The following TENM4 variants were observed in gnomAD, a reference collection of about 807,000 sequenced individuals.
TENM4 encodes the protein teneurin transmembrane protein 4.
Under a neutral mutation model 243.3 loss-of-function variants are expected in TENM4, and 82 were observed. That is an observed-to-expected ratio of 0.34 (90% CI 0.28 to 0.40). The LOEUF is 0.40. Ranked by LOEUF, TENM4 falls within the 10% of genes least tolerant of loss-of-function variation. TENM4 has a pLI of 1.00. For missense variants in TENM4, 3,138 were observed against 3,673.3 expected (o/e 0.85, Z 3.77); for synonymous variants, 1,412 against 1,456.3 (o/e 0.97, Z 0.69).
intron 9 of TENM4, among the ~76,000 whole-genome samples, chr11:78,878,220 C>T (rs935252404): frequency 2.0e-5 from 3 of 152,176 alleles, no homozygotes; most frequent in Non-Finnish European, 4.4e-5. Context: ...ATCCTGCCCT[C>T]CTTTCTTTCC....
intron 19 of TENM4, among the ~76,000 whole-genome samples, chr11:78,753,915 T>C (rs2135946459): frequency 6.6e-6 from 1 of 152,326 alleles, no homozygotes; most frequent in Non-Finnish European, 1.5e-5. Context: ...TTCTTCTGCT[T>C]CTGTGACTAA....
chr11:79,431,033 T>C (rs553061513), intron 1 of TENM4, among the ~76,000 whole-genome samples: 11 of 152,286 alleles, frequency 7.2e-5, no homozygotes, highest in African/African-American at 1.9e-4. Flanking sequence ...GTTGCCAATT[T>C]TCTTAGGTTA....
chr11:79,079,534 C>T (rs553974043), intron 4 of TENM4, among the ~76,000 whole-genome samples: 1 of 152,238 alleles, frequency 6.6e-6, no homozygotes, highest in Non-Finnish European at 1.5e-5. Flanking sequence ...ATCTTAGAGT[C>T]AGAAAATGTG....
At chr11:79,390,151 G>A (rs1372579301) in intron 1 of TENM4, among the ~76,000 whole-genome samples, 3 of 152,206 alleles carry the variant, frequency 2.0e-5, no homozygotes, top group East Asian at 1.9e-4. Flanking sequence ...GACCTCAGAG[G>A]TTAAAGGAAG....
chr11:79,329,147 T>C (rs1857021097), intron 1 of TENM4, among the ~76,000 whole-genome samples: 1 of 152,198 alleles, frequency 6.6e-6, no homozygotes. Context: ...TGAGCATTTT[T>C]GTTTTCTCCT....
chr11:79,255,160 A>G (rs1004672220), intron 2 of TENM4, among the ~76,000 whole-genome samples: 1 of 152,168 alleles, frequency 6.6e-6, no homozygotes, highest in Non-Finnish European at 1.5e-5. Context: ...TTGAAGAGGA[A>G]AAATAAAGAT....
chr11:79,119,573 G>T (rs1480174646), intron 4 of TENM4, among the ~76,000 whole-genome samples: 1 of 152,182 alleles, frequency 6.6e-6, no homozygotes, highest in Non-Finnish European at 1.5e-5. Flanking sequence ...TCAGCCAGGC[G>T]CCTGCCCAGA....
intron 1 of TENM4, chr11:79,402,105 C>T (rs1858474260): frequency 2.6e-6 from 1 of 387,578 alleles, no homozygotes; most frequent in South Asian, 2.0e-5. Flanking sequence ...TCCTTGAGGG[C>T]AGTTACCATT....
intron 9 of TENM4, among the ~76,000 whole-genome samples, chr11:78,878,927 A>G (rs1234095444): frequency 6.6e-6 from 1 of 152,274 alleles, no homozygotes; most frequent in Admixed American, 6.5e-5. Context: ...TAGCACAAAT[A>G]TAATGGCTTT....
At chr11:79,082,262 T>C (rs1860694768) in intron 4 of TENM4, among the ~76,000 whole-genome samples, 1 of 152,144 alleles carries the variant, frequency 6.6e-6, no homozygotes, top group South Asian at 2.1e-4. Context: ...CTTGGCATCC[T>C]CTAAGTGGCT....
intron 1 of TENM4, among the ~76,000 whole-genome samples, chr11:79,401,778 G>A (rs1411116209): frequency 6.6e-6 from 1 of 152,244 alleles, no homozygotes; most frequent in African/African-American, 2.4e-5. Context: ...AAGTCCAGGA[G>A]CCTGGAAGCC....
chr11:79,034,631 T>C lies in TENM4; in HGVS notation c.493+30107A>G, dbSNP rs189442500. On this transcript the variant is annotated intron_variant, in intron 6 of 33. Coordinates refer to ENST00000278550, the MANE Select transcript of TENM4 (RefSeq NM_001098816.3). ...GTATCTATGGGGCCTAAAAAGCATC[T>C]CAAAACTGTCTTTTGGAACACTCTA... Among the ~76,000 whole-genome samples, 214 of 152,192 alleles carry C rather than the reference T, an allele frequency of 1.4e-3. 1 individual carries two copies. The highest frequency in any genetic ancestry group is 4.9e-3 in the African/African-American group (203 of 41,512).
At chr11:79,308,626 TGACCTCACTTTACAGAA>T (rs1565292880) in intron 1 of TENM4, among the ~76,000 whole-genome samples, 1 of 152,206 alleles carries the variant, frequency 6.6e-6, no homozygotes, top group Non-Finnish European at 1.5e-5. Context: ...TTGACAGCAG[TGACCTCACTTTACAGAA>T]GAGGAAACTT....
intron 6 of TENM4, among the ~76,000 whole-genome samples, chr11:78,934,056 C>T (rs867143246): frequency 6.6e-6 from 1 of 152,084 alleles, no homozygotes; most frequent in Non-Finnish European, 1.5e-5. Flanking sequence ...ATGGGCAGTA[C>T]TCAGGGCAGT....
chr11:79,390,475 G>A (rs769166704), intron 1 of TENM4, among the ~76,000 whole-genome samples: 5 of 152,186 alleles, frequency 3.3e-5, no homozygotes, highest in African/African-American at 4.8e-5. Flanking sequence ...ATATCCTTTA[G>A]CTCCCTGAAT....
chr11:79,358,683 TCCCTTGC>T lies in TENM4; in HGVS notation c.-320-61147_-320-61141del, dbSNP rs1331441065. Among the ~76,000 whole-genome samples, 3 of 79,594 alleles carry T rather than the reference TCCCTTGC, an allele frequency of 3.8e-5. No individual in the cohort carries two copies. The East Asian group carries it at 8.0e-4, about 21-fold the overall frequency. The allele number at this position is 79,594 out of a possible 152,430, so 52.2% of individuals were successfully genotyped here. The stretch of plus-strand genomic sequence containing the variant: ...CTTTCTTCCCTTCTCCTTCCCTCCC[TCCCTTGC>T]CTCCCTTGCCTCCCTCCCTCTCTCC... On this transcript the variant is annotated intron_variant, in intron 1 of 33. Transcript: ENST00000278550.
rs1858988535 is a variant in TENM4, at chr11:79,023,453, T to G, written c.493+41285A>C. Among the ~76,000 whole-genome samples the G allele has an allele frequency of 2.0e-5, 3 of 151,772 alleles. No individual in the cohort carries two copies. The South Asian group carries it at 6.3e-4, about 32-fold the overall frequency. Reference sequence around the variant, plus strand: ...GGTGTGCACCTGTAATCCCAACTACTCAGGAGGCTGAGGCAGGAGAATCGC... The same window carrying G: ...GGTGTGCACCTGTAATCCCAACTACGCAGGAGGCTGAGGCAGGAGAATCGC... On this transcript the variant is annotated intron_variant, in intron 6 of 33. Coordinates refer to ENST00000278550, the MANE Select transcript of TENM4 (RefSeq NM_001098816.3).
At chr11:78,901,647 A>G (rs1243769204) in intron 7 of TENM4, among the ~76,000 whole-genome samples, 1 of 152,096 alleles carries the variant, frequency 6.6e-6, no homozygotes, top group Non-Finnish European at 1.5e-5. Context: ...AGAACCATCG[A>G]TTAGTGGCTG....
chr11:79,024,906 G>A (rs998163573), intron 6 of TENM4, among the ~76,000 whole-genome samples: 5 of 152,178 alleles, frequency 3.3e-5, no homozygotes, highest in East Asian at 1.9e-4. Context: ...ATTCTTACCC[G>A]GGGCTCTTGT....
Sources: gnomAD v4.1 joint callset for allele counts (sites outside exome capture counted in the v4.1 genomes callset) on GRCh38, gnomAD v4.1.1 for gene constraint, MANE v1.5 for transcripts, NCBI Gene and HGNC (gene_info 2026-07-23, HGNC 2026-07-21) for gene names.